The following SYNDIG1 variants were observed in gnomAD, a reference collection of about 807,000 sequenced individuals.
SYNDIG1 encodes synapse differentiation-inducing gene protein 1.
A neutral mutation model predicts 19.4 loss-of-function variants in SYNDIG1; 9 were observed. That is an observed-to-expected ratio of 0.46 (90% CI 0.28 to 0.81). SYNDIG1 has a LOEUF of 0.81. Among genes scored for constraint, SYNDIG1 ranks in the 30% least tolerant of loss-of-function variants. The pLI, the probability that SYNDIG1 is intolerant of heterozygous loss-of-function variation, is 0.12. For missense variants in SYNDIG1, 311 were observed against 343.3 expected (o/e 0.91, Z 0.74); for synonymous variants, 141 against 145.9 (o/e 0.97, Z 0.24).
At chr20:24,635,628 C>A (rs1312927074) in intron 3 of SYNDIG1, among the ~76,000 whole-genome samples, 1 of 152,170 alleles carries the variant, frequency 6.6e-6, no homozygotes, top group East Asian at 1.9e-4. Context: ...AAAGGAGTAC[C>A]TTTTTATAAG....
chr20:24,634,048 A>G (rs1050063874), intron 3 of SYNDIG1, among the ~76,000 whole-genome samples: 1 of 152,258 alleles, frequency 6.6e-6, no homozygotes, highest in South Asian at 2.1e-4. Context: ...CTTGGAAAAC[A>G]GAAGGAGGAG....
intron 3 of SYNDIG1, among the ~76,000 whole-genome samples, chr20:24,609,090 C>T (rs1194756221): frequency 2.0e-5 from 3 of 152,168 alleles, no homozygotes; most frequent in Admixed American, 6.5e-5. Context: ...GTGCTCATCA[C>T]ATTACCATCT....
chr20:24,540,643 T>G (rs2057450895), intron 1 of SYNDIG1, among the ~76,000 whole-genome samples: 1 of 152,220 alleles, frequency 6.6e-6, no homozygotes, highest in South Asian at 2.1e-4. Context: ...TTTTTCTATG[T>G]CAATAGAGAT....
intron 3 of SYNDIG1, among the ~76,000 whole-genome samples, chr20:24,643,019 G>A (rs1441596459): frequency 6.6e-6 from 1 of 152,088 alleles, no homozygotes; most frequent in African/African-American, 2.4e-5. Context: ...GTTCTATATA[G>A]AGAGTATTTC....
chr20:24,472,080 C>T (rs2055483728), intron 1 of SYNDIG1, among the ~76,000 whole-genome samples: 1 of 152,168 alleles, frequency 6.6e-6, no homozygotes, highest in Non-Finnish European at 1.5e-5. Context: ...TTTATGTTCA[C>T]CTATCAGAAA....
chr20:24,660,911 G>A (rs191158883), intron 3 of SYNDIG1, among the ~76,000 whole-genome samples: 6 of 152,346 alleles, frequency 3.9e-5, no homozygotes, highest in Admixed American at 2.6e-4. Context: ...CCGGTCAGCC[G>A]CTTGCCTTTC....
chr20:24,621,503 CATTTGGT>C (rs2147234483), intron 3 of SYNDIG1, among the ~76,000 whole-genome samples: 1 of 152,300 alleles, frequency 6.6e-6, no homozygotes, highest in East Asian at 1.9e-4. Context: ...ACTCTTTTGC[CATTTGGT>C]CCCAAACCCA....
chr20:24,546,452 C>T (rs1359741435), intron 2 of SYNDIG1, among the ~76,000 whole-genome samples: 1 of 152,242 alleles, frequency 6.6e-6, no homozygotes, highest in Non-Finnish European at 1.5e-5. Flanking sequence ...CCTGGGCTCA[C>T]TCACTTGTCC....
At chr20:24,552,607 A>AT in intron 2 of SYNDIG1, among the ~76,000 whole-genome samples, 1 of 152,016 alleles carries the variant, frequency 6.6e-6, no homozygotes, top group East Asian at 1.9e-4. Context: ...ATGATTTCCA[A>AT]TTTCATCCAT....
intron 1 of SYNDIG1, among the ~76,000 whole-genome samples, chr20:24,507,329 C>A (rs1035920850): frequency 8.5e-5 from 13 of 152,270 alleles, no homozygotes; most frequent in Admixed American, 5.2e-4. Context: ...CACAGCCGGG[C>A]ACCAGGAATG....
chr20:24,490,659 C>G (rs938401456), intron 1 of SYNDIG1, among the ~76,000 whole-genome samples: 3 of 152,276 alleles, frequency 2.0e-5, no homozygotes, highest in Non-Finnish European at 4.4e-5. Flanking sequence ...CAGTGCTCAG[C>G]AGGATTGTCA....
intron 1 of SYNDIG1, among the ~76,000 whole-genome samples, chr20:24,533,197 A>G (rs2057296587): frequency 6.6e-6 from 1 of 151,958 alleles, no homozygotes; most frequent in South Asian, 2.1e-4. Flanking sequence ...GCTTGCAGAA[A>G]GAATTAACTG....
intron 3 of SYNDIG1, among the ~76,000 whole-genome samples, chr20:24,599,452 A>G (rs539604714): frequency 6.6e-4 from 100 of 152,326 alleles, no homozygotes; most frequent in African/African-American, 2.0e-3. Context: ...TAAAAATAGA[A>G]TACCTTTGAC....
intron 1 of SYNDIG1, among the ~76,000 whole-genome samples, chr20:24,536,273 G>C (rs1036319529): frequency 6.6e-6 from 1 of 152,184 alleles, no homozygotes; most frequent in Non-Finnish European, 1.5e-5. Flanking sequence ...AATTACCGGG[G>C]AGCCACATTC....
At chr20:24,532,954 T>C (rs1483529341) in intron 1 of SYNDIG1, among the ~76,000 whole-genome samples, 1 of 152,218 alleles carries the variant, frequency 6.6e-6, no homozygotes, top group Non-Finnish European at 1.5e-5. Context: ...GCAGTCATTT[T>C]CTTGGAAAGG....
At chr20:24,541,776 A>G (rs1300290413) in intron 1 of SYNDIG1, among the ~76,000 whole-genome samples, 3 of 152,244 alleles carry the variant, frequency 2.0e-5, no homozygotes, top group Non-Finnish European at 4.4e-5. Context: ...AAAAAAATAA[A>G]TAAAAAATCC....
chr20:24,583,024 T>G (rs536744788), intron 2 of SYNDIG1, among the ~76,000 whole-genome samples: 13 of 152,310 alleles, frequency 8.5e-5, no homozygotes, highest in Non-Finnish European at 1.6e-4. Flanking sequence ...TGGGACGTCC[T>G]TATTGTTGGA....
intron 1 of SYNDIG1, among the ~76,000 whole-genome samples, chr20:24,471,371 C>A (rs1458085334): frequency 6.6e-6 from 1 of 151,980 alleles, no homozygotes; most frequent in African/African-American, 2.4e-5. Context: ...AGTTGAATTG[C>A]GTGCTCTGTG....
intron 2 of SYNDIG1, among the ~76,000 whole-genome samples, chr20:24,579,374 G>T (rs1040445647): frequency 1.3e-5 from 2 of 152,222 alleles, no homozygotes; most frequent in African/African-American, 4.8e-5. Flanking sequence ...GGCAGAATGT[G>T]CTTGGTTAAA....
Sources: gnomAD v4.1 joint callset for allele counts (sites outside exome capture counted in the v4.1 genomes callset) on GRCh38, gnomAD v4.1.1 for gene constraint, MANE v1.5 for transcripts, NCBI Gene and HGNC (gene_info 2026-07-23, HGNC 2026-07-21) for gene names.